Variants in INO80C observed in about 807,000 individuals in gnomAD.
INO80C encodes the protein IES6 homolog.
A neutral mutation model predicts 17.7 loss-of-function variants in INO80C; 17 were observed. The ratio of observed to expected loss-of-function variants is 0.96; its 90% CI spans 0.66 to 1.44. The LOEUF (loss-of-function observed/expected upper bound fraction) is 1.44, where lower values mean the gene tolerates loss of function less well. Among genes scored for constraint, INO80C ranks in the 40% most tolerant of loss-of-function variants. The pLI is 0.00. For missense variants in INO80C, 244 were observed against 245.0 expected (o/e 1.00, Z 0.03); for synonymous variants, 96 against 95.8 (o/e 1.00, Z -0.01).
chr18:35,477,309 C>T (rs531596577), intron 4 of INO80C, among the ~76,000 whole-genome samples: 6 of 151,992 alleles, frequency 3.9e-5, no homozygotes, highest in African/African-American at 1.2e-4. Flanking sequence ...GCTGGGGTAA[C>T]GATATTAATT....
At position 35,478,298 on chromosome 18, in the gene INO80C, T is replaced by C; in HGVS notation, c.431A>G (p.Asp144Gly). 6.2e-7 allele frequency: 1 copy of C among 1,601,542 alleles called. No homozygotes were observed. Among genetic ancestry groups the C allele is most frequent in the Non-Finnish European group, 8.5e-7 (1 of 1,174,250 alleles). ...PSFKPAKKYS[D>G]VSGLLANYTD... Reference sequence around the variant, plus strand: ...CATACTCACAAGCAGACCTGAAACATCAGAATACTTCTTAGCTGGCTTAAA... The same window carrying C: ...CATACTCACAAGCAGACCTGAAACACCAGAATACTTCTTAGCTGGCTTAAA... The change falls in exon 4 of 5, where the codon GAT (aspartate) becomes GGT (glycine). Residue 144 changes from aspartate to glycine, a missense_variant. Coordinates refer to ENST00000334598, the MANE Select transcript of INO80C (RefSeq NM_194281.4).
intron 4 of INO80C, among the ~76,000 whole-genome samples, chr18:35,474,681 T>TATC (rs2045713941): frequency 6.6e-6 from 1 of 152,140 alleles, no homozygotes; most frequent in South Asian, 2.1e-4. Context: ...AGCAAGACTC[T>TATC]ATCTCTAAAT....
intron 1 of INO80C, 163 bp downstream of exon 1, chr18:35,497,556 C>A: frequency 7.1e-7 from 1 of 1,415,956 alleles, no homozygotes; most frequent in Non-Finnish European, 9.2e-7. Flanking sequence ...TGTGTCCAAA[C>A]GAAGGGAAAG....
intron 2 of INO80C, among the ~76,000 whole-genome samples, 174 bp downstream of exon 2, chr18:35,480,279 A>C (rs355319): frequency 6.6e-6 from 1 of 152,104 alleles, no homozygotes; most frequent in Non-Finnish European, 1.5e-5. Context: ...GGCACATTAA[A>C]AGATCAACAG....
intron 1 of INO80C, among the ~76,000 whole-genome samples, chr18:35,486,086 A>G (rs1394844196): frequency 6.6e-6 from 1 of 152,258 alleles, no homozygotes; most frequent in East Asian, 1.9e-4. Flanking sequence ...ACTGCCTTCC[A>G]GCATGGGCAG....
rs199984586 is a variant in INO80C, at chr18:35,468,747, G to T, written c.448-5C>A. On this transcript the variant is annotated splice_region_variant and splice_polypyrimidine_tract_variant and intron_variant, in intron 4 of 4. Transcript: ENST00000334598. ...CTGGGGGTCTGTGTAGTTGGCCTGG[G>T]TGAAAAGAGGCACAGGGAAGGGCAG... 6.2e-7 allele frequency: 1 copy of T among 1,613,588 alleles called. No homozygotes were observed. Among genetic ancestry groups the T allele is most frequent in the African/African-American group, 1.3e-5 (1 of 74,910 alleles).
intron 1 of INO80C, among the ~76,000 whole-genome samples, chr18:35,492,369 G>A (rs1206154388): frequency 1.3e-5 from 2 of 152,118 alleles, no homozygotes; most frequent in Non-Finnish European, 2.9e-5. Flanking sequence ...AAGTCTAATT[G>A]AGAAGACTAT....
chr18:35,472,085 C>T (rs894032212), intron 4 of INO80C, among the ~76,000 whole-genome samples: 7 of 152,182 alleles, frequency 4.6e-5, no homozygotes, highest in Non-Finnish European at 1.0e-4. Flanking sequence ...GTCTTTATAG[C>T]AGCATGATTT....
rs1164991553 is a variant in INO80C, at chr18:35,479,675, T to TA, written c.268-265dup. Among the ~76,000 whole-genome samples the TA allele has an allele frequency of 2.3e-3, 331 of 146,862 alleles. 1 individual carries two copies. Among genetic ancestry groups the TA allele is most frequent in the Middle Eastern group, 0.021 (6 of 286 alleles). Reference sequence around the variant, plus strand: ...AAAAGGCTACTTCTTTATATGCACGTAAAAAAAAAAGCCTTTATTGGGTCT... The same window carrying TA: ...AAAAGGCTACTTCTTTATATGCACGTAAAAAAAAAAAGCCTTTATTGGGTCT... On this transcript the variant is annotated intron_variant, in intron 2 of 4. Transcript: ENST00000334598.
intron 1 of INO80C, among the ~76,000 whole-genome samples, chr18:35,484,366 A>G (rs544447555): frequency 2.6e-5 from 4 of 152,362 alleles, no homozygotes; most frequent in African/African-American, 9.6e-5. Flanking sequence ...ACACACACAT[A>G]TATTTCCTAG....
intron 1 of INO80C, among the ~76,000 whole-genome samples, chr18:35,496,158 C>T (rs972941000): frequency 7.9e-5 from 12 of 152,046 alleles, no homozygotes; most frequent in Admixed American, 6.5e-4. Flanking sequence ...AATTCCACTA[C>T]TTCTCAAGAG....
chr18:35,491,325 C>A (rs923543926), intron 1 of INO80C, among the ~76,000 whole-genome samples: 2 of 152,160 alleles, frequency 1.3e-5, no homozygotes, highest in Non-Finnish European at 2.9e-5. Flanking sequence ...CCATTCCAGG[C>A]AGCAAGCTAG....
intron 4 of INO80C, among the ~76,000 whole-genome samples, chr18:35,474,790 A>G (rs915740310): frequency 6.6e-6 from 1 of 152,288 alleles, no homozygotes; most frequent in South Asian, 2.1e-4. Context: ...AGAGAGATAA[A>G]CGATGCTTCC....
chr18:35,472,273 T>C (rs1325289919), intron 4 of INO80C, among the ~76,000 whole-genome samples: 7 of 152,238 alleles, frequency 4.6e-5, no homozygotes. Flanking sequence ...TGTTGTTTCC[T>C]GACTTTTGAA....
intron 1 of INO80C, among the ~76,000 whole-genome samples, chr18:35,481,852 C>G (rs2045812891): frequency 6.6e-6 from 1 of 152,156 alleles, no homozygotes; most frequent in Non-Finnish European, 1.5e-5. Context: ...CCACTGCACT[C>G]CAGCCTGGGC....
chr18:35,468,907 T>A (rs1334649439), intron 4 of INO80C, among the ~76,000 whole-genome samples, 165 bp from the exon 5 acceptor site: 2 of 152,036 alleles, frequency 1.3e-5, no homozygotes, highest in Non-Finnish European at 2.9e-5. Context: ...CACAGGCTCA[T>A]TAACCTTCCC....
intron 1 of INO80C, among the ~76,000 whole-genome samples, chr18:35,495,748 T>G (rs1244652721): frequency 6.6e-6 from 1 of 152,070 alleles, no homozygotes; most frequent in Non-Finnish European, 1.5e-5. Context: ...CTGGGAGCAA[T>G]TACTCACAAT....
At chr18:35,486,762 G>A (rs1443344776) in intron 1 of INO80C, among the ~76,000 whole-genome samples, 2 of 132,118 alleles carry the variant, frequency 1.5e-5, no homozygotes, top group African/African-American at 6.0e-5. Context: ...TCCAGCCCAG[G>A]CAACATAGCA....
At chr18:35,488,074 TG>T (rs1363354856) in intron 1 of INO80C, among the ~76,000 whole-genome samples, 1 of 152,240 alleles carries the variant, frequency 6.6e-6, no homozygotes, top group Non-Finnish European at 1.5e-5. Context: ...TCTGCCCCTG[TG>T]GCTTTGCAGG....
Sources: allele counts gnomAD v4.1 joint callset (sites outside exome capture counted in the v4.1 genomes callset), GRCh38; gene constraint gnomAD v4.1.1; transcripts MANE v1.5; gene names NCBI Gene and HGNC (gene_info 2026-07-23, HGNC 2026-07-21).